Variants in RNF213 observed in about 807,000 individuals in gnomAD.
RNF213 encodes the protein ring finger protein 213, also known as E3 ubiquitin-protein ligase RNF213.
RNF213 carries 341 observed loss-of-function variants against 514.4 expected under a neutral mutation model. The observed-to-expected ratio is 0.66, with a 90% CI of 0.61 to 0.73. The LOEUF (loss-of-function observed/expected upper bound fraction) is 0.73. Ranked by LOEUF, RNF213 falls within the 30% of genes least tolerant of loss-of-function variation. RNF213 has a pLI of 0.00. For synonymous variants in RNF213, 2,655 were observed against 2,658.2 expected (o/e 1.00, Z 0.04); for missense variants, 5,767 against 6,615.6 (o/e 0.87, Z 4.45).
chr17:80,289,317 C>T (rs926483006), intron 5 of RNF213, among the ~76,000 whole-genome samples: 3 of 152,228 alleles, frequency 2.0e-5, no homozygotes, highest in Non-Finnish European at 2.9e-5. Context: ...GGGCCAGGCG[C>T]GGTAGCTCAC....
chr17:80,325,401 T>A (rs2046253559), intron 18 of RNF213, among the ~76,000 whole-genome samples: 1 of 152,132 alleles, frequency 6.6e-6, no homozygotes, highest in African/African-American at 2.4e-5. Flanking sequence ...TAACAGCCAC[T>A]ATTCATTGAA....
At chr17:80,291,874 T>C in intron 8 of RNF213, 47 bp downstream of exon 8, 1 of 1,600,288 alleles carries the variant, frequency 6.2e-7, no homozygotes, top group Non-Finnish European at 8.6e-7. Context: ...GGAGTGCAGG[T>C]GCCAATCCCG....
intron 2 of RNF213, among the ~76,000 whole-genome samples, chr17:80,265,723 T>C (rs2043590029): frequency 1.3e-5 from 2 of 152,122 alleles, no homozygotes; most frequent in Non-Finnish European, 2.9e-5. Context: ...CGCGATTAGC[T>C]GAGTTAAAAT....
At position 80,385,565 on chromosome 17, in the gene RNF213, G is replaced by C; in HGVS notation, c.14483G>C (p.Arg4828Thr). The change falls in exon 61 of 68, where the codon AGG (arginine) becomes ACG (threonine). Residue 4828 changes from arginine (R) to threonine (T), a missense_variant. Physicochemically the swap from Arg to Thr is moderately conservative, Grantham distance 71. This residue lies in a region of RNF213 where 1,245 missense variants were observed against 1,339.0 expected (regional missense o/e 0.93). Coordinates refer to ENST00000582970, the MANE Select transcript of RNF213 (RefSeq NM_001256071.3). ...GGGTTGAGGCAGCTGCTTCACAACA[G>C]GATCACAGTCTTTCTGTCCACATGG... ...SDGLRQLLHN[R>T]ITVFLSTWNK... is the part of the protein sequence containing the mutation. 1 of 1,614,168 alleles carries C rather than the reference G, an allele frequency of 6.2e-7. No homozygotes were observed. The highest frequency in any genetic ancestry group is 8.5e-7 in the Non-Finnish European group (1 of 1,180,022).
At chr17:80,379,944 A>T in intron 55 of RNF213, 1 of 564,940 alleles carries the variant, frequency 1.8e-6, no homozygotes, top group Non-Finnish European at 3.2e-6. Context: ...ACCCTTTAAC[A>T]GCTGTTAATA....
rs987511607 is a variant in RNF213 at position 80,353,955 on chromosome 17, C to T, written c.10579-64C>T. On this transcript the variant is annotated intron_variant, in intron 34 of 67. Coordinates refer to ENST00000582970, the MANE Select transcript of RNF213 (RefSeq NM_001256071.3). This position sits in a 1 kb window ranked among gnomAD's most constrained non-coding sequence, Gnocchi z 5.0. Reference sequence around the variant, plus strand: ...CATTGAGACCCTCATCGCATACGGGCGGTTTGGCTTTTGCCCACTGTGTCA... The same window carrying T: ...CATTGAGACCCTCATCGCATACGGGTGGTTTGGCTTTTGCCCACTGTGTCA... 56 of 1,600,910 alleles carry T rather than the reference C, an allele frequency of 3.5e-5. No individual in the cohort carries two copies. The highest frequency in any genetic ancestry group is 2.8e-4 in the South Asian group (25 of 90,456).
rs2144508215 is a variant in RNF213 at position 80,371,939 on chromosome 17, C to T, written c.12491C>T (p.Thr4164Ile). ...CTGTTAAAAAAGAAAGCATTCATAA[C>T]TGAAGATAAAACTGAACTGTACATG... ...LTLLKKKAFITEDKTELYMLF... is the reference protein window; with the variant it reads ...LTLLKKKAFIIEDKTELYMLF... The change falls in exon 47 of 68, where the codon ACT becomes ATT. Residue 4164 changes from threonine (T) to isoleucine (I), a missense_variant. Physicochemically the swap from Thr to Ile is moderately conservative, Grantham distance 89 (BLOSUM62 -1). Transcript: ENST00000582970. 3 of 1,598,644 alleles carry T rather than the reference C, an allele frequency of 1.9e-6. No individual in the cohort carries two copies. Among genetic ancestry groups the T allele is most frequent in the Non-Finnish European group, 2.6e-6 (3 of 1,165,896 alleles).
At chr17:80,364,312 T>A (rs974160556) in intron 41 of RNF213, 121 bp from the exon 42 acceptor site, 11 of 1,383,044 alleles carry the variant, frequency 8.0e-6, no homozygotes, top group Non-Finnish European at 1.1e-5. Context: ...TTGCTTGTAA[T>A]CCCAGCCGCT....
At chr17:80,352,070 G>A (rs2078542801) in intron 32 of RNF213, 2 of 325,914 alleles carry the variant, frequency 6.1e-6, no homozygotes, top group South Asian at 6.0e-5. Flanking sequence ...GGCCTAGATG[G>A]TCTCAATCCG....
In RNF213 at chr17:80,373,082, CG is replaced by C. The variant is rs768829345; in HGVS notation, c.12864del (p.Met4289TrpfsTer69). The stretch of plus-strand genomic sequence containing the variant: ...CCTGGTGCGGAAGCTCAGCAGCCAG[CG>C]GGGGATGGAGTTCGTGCAGGGCCTC... Reference protein sequence around the residue: ...VYLVRKLSSQRGMEFVQGLSK... With the variant: ...VYLVRKLSSQXGMEFVQGLSK... On this transcript the variant is annotated frameshift_variant, in exon 49 of 68. Transcript: ENST00000582970. LOFTEE classifies it high-confidence loss of function. The C allele has an allele frequency of 6.2e-7, 1 of 1,613,862 alleles. No homozygotes were observed. The highest frequency in any genetic ancestry group is 1.1e-5 in the South Asian group (1 of 91,076).
chr17:80,303,942 C>A (rs1183367695), intron 11 of RNF213, among the ~76,000 whole-genome samples: 3 of 148,328 alleles, frequency 2.0e-5, no homozygotes, highest in Non-Finnish European at 4.5e-5. Flanking sequence ...TTAACTCAGC[C>A]CCTGATAACA....
rs1201335107 is a variant in RNF213, at chr17:80,285,674, C to CTT, written c.262-2130_262-2129dup. Among the ~76,000 whole-genome samples, 177 of 146,666 alleles carry CTT rather than the reference C, an allele frequency of 1.2e-3. 1 individual carries two copies. The highest frequency in any genetic ancestry group is 1.8e-3 in the Non-Finnish European group (120 of 66,364). On this transcript the variant is annotated intron_variant, in intron 3 of 67. Coordinates refer to ENST00000582970, the MANE Select transcript of RNF213 (RefSeq NM_001256071.3). Reference sequence around the variant, plus strand: ...TCTTCTGCAGCTGCTTCTGCAGTTGCTTTTTTTTTTTTGTGAGATGGAGTC... The same window carrying CTT: ...TCTTCTGCAGCTGCTTCTGCAGTTGCTTTTTTTTTTTTTTGTGAGATGGAGTC...
At position 80,340,145 on chromosome 17, in the gene RNF213, C is replaced by T. The variant is rs751893613; in HGVS notation, c.5778C>T (p.Leu1926=). The T allele has an allele frequency of 8.2e-5, 132 of 1,613,898 alleles. No homozygotes were observed. Among genetic ancestry groups the T allele is most frequent in the East Asian group, 2.7e-4 (12 of 44,896 alleles). The change falls in exon 26 of 68, where the codon CTC becomes CTT. Residue 1926 remains leucine, a synonymous_variant. Transcript: ENST00000582970. ...AGCAGCACCGAGAAGACTACCAGCTCGTCATGGTCTGTGATGGGGACTGGG... is the reference window on the plus strand; with the variant it reads ...AGCAGCACCGAGAAGACTACCAGCTTGTCATGGTCTGTGATGGGGACTGGG... ...CTQQHREDYQ[L]VMVCDGDWEH...
chr17:80,371,670 C>T, intron 46 of RNF213: 1 of 481,514 alleles, frequency 2.1e-6, no homozygotes, highest in Non-Finnish European at 3.7e-6. Context: ...AGTTTGAGGA[C>T]AGCTGGTCTA....
In RNF213 at chr17:80,345,164, C is replaced by T. The variant is rs779110428; in HGVS notation, c.6829C>T (p.His2277Tyr). 8.1e-6 allele frequency: 13 copies of T among 1,614,042 alleles called. No homozygotes were observed. In the Admixed American group the frequency reaches 2.0e-4, roughly 25 times the overall value. ...LHTSDQSPGK[H>Y]MVTMDGVREE... Reference sequence around the variant, plus strand: ...CACCTCTGACCAAAGCCCGGGGAAGCACATGGTCACCATGGATGGGGTTAG... The same window carrying T: ...CACCTCTGACCAAAGCCCGGGGAAGTACATGGTCACCATGGATGGGGTTAG... Residue 2277 changes from histidine (H) to tyrosine (Y), a missense_variant, in exon 29 of 68, where the codon CAC becomes TAC. This residue lies in a region of RNF213 where 1,377 missense variants were observed against 1,635.2 expected (regional missense o/e 0.84). Coordinates refer to ENST00000582970, the MANE Select transcript of RNF213 (RefSeq NM_001256071.3). The surrounding 1 kb of genome is among the most constrained non-coding windows in gnomAD (Gnocchi z 6.0).
chr17:80,261,757 G>T (rs765735495), intron 1 of RNF213, among the ~76,000 whole-genome samples: 4 of 152,236 alleles, frequency 2.6e-5, no homozygotes, highest in African/African-American at 4.8e-5. Flanking sequence ...AGTGGCTAAT[G>T]CCTGTAATCC....
In RNF213 at chr17:80,339,717, C is replaced by T. The variant is rs1224563026; in HGVS notation, c.5350C>T (p.Gln1784Ter). The change falls in exon 26 of 68, where the codon CAG becomes TAG. Residue 1784 changes from glutamine (Q) to a stop codon, truncating the protein, a stop_gained. Coordinates refer to ENST00000582970, the MANE Select transcript of RNF213 (RefSeq NM_001256071.3). LOFTEE classifies it high-confidence loss of function. ...GGACAAGCTGAGGATCATCATGGAG[C>T]AGTCCATGAGGTGCCTTCCTGCCTT... ...LVDKLRIIME[Q>*]SMRCLPAFLP... The T allele has an allele frequency of 6.5e-7, 1 of 1,537,206 alleles. No individual in the cohort carries two copies. Among genetic ancestry groups the T allele is most frequent in the African/African-American group, 1.4e-5 (1 of 73,146 alleles).
intron 11 of RNF213, among the ~76,000 whole-genome samples, chr17:80,304,390 C>T (rs2045284725): frequency 6.6e-6 from 1 of 152,134 alleles, no homozygotes; most frequent in Non-Finnish European, 1.5e-5. Context: ...CCTGTAATCC[C>T]AGCACTTTGG....
chr17:80,372,792 C>G (rs987570273), intron 48 of RNF213, 58 bp downstream of exon 48: 39 of 1,550,812 alleles, frequency 2.5e-5, no homozygotes, highest in Admixed American at 1.0e-4. Flanking sequence ...TTTAGAAATT[C>G]AGGAAGTATG....
Sources: gnomAD v4.1 joint callset for allele counts (sites outside exome capture counted in the v4.1 genomes callset) on GRCh38, gnomAD v4.1.1 for gene constraint, gnomAD v4.1.1 regional missense constraint, Gnocchi (gnomAD v3.1) non-coding constraint, MANE v1.5 for transcripts, NCBI Gene and HGNC (gene_info 2026-07-23, HGNC 2026-07-21) for gene names.